TBXAS1: variants seen among roughly 807,000 people sequenced by gnomAD.
TBXAS1 encodes thromboxane A synthase 1.
TBXAS1 carries 48 observed loss-of-function variants against 60.7 expected under a neutral mutation model. The ratio of observed to expected loss-of-function variants is 0.79; its 90% CI spans 0.63 to 1.01. The LOEUF is 1.01. TBXAS1 is among the 50% of genes least tolerant of loss of function. TBXAS1 has a pLI of 0.00. For missense variants in TBXAS1, 685 were observed against 686.3 expected, an observed-to-expected ratio of 1.00 and a Z score of 0.02; for synonymous variants, 287 against 269.7, an observed-to-expected ratio of 1.06 and a Z score of -0.63.
At chr7:139,890,348 T>C (rs1411761860) in intron 3 of TBXAS1, among the ~76,000 whole-genome samples, 1 of 151,294 alleles carries the variant, frequency 6.6e-6, no homozygotes, top group Non-Finnish European at 1.5e-5. Context: ...CCCGAGTAGC[T>C]GGGACTACAG....
chr7:139,936,372 T>A, intron 5 of TBXAS1, 65 bp downstream of exon 5: 2 of 1,497,610 alleles, frequency 1.3e-6, no homozygotes, highest in Non-Finnish European at 1.9e-6. Flanking sequence ...CAAATCGTGA[T>A]GAGAGCCAGT....
At chr7:139,795,553 C>T (rs1797541438) in intron 4 of TBXAS1, among the ~76,000 whole-genome samples, 1 of 133,500 alleles carries the variant, frequency 7.5e-6, no homozygotes, top group Non-Finnish European at 1.6e-5. Context: ...TCTTTTGTTG[C>T]CATTGCTTTT....
chr7:139,882,445 G>A (rs1802767862), intron 3 of TBXAS1, among the ~76,000 whole-genome samples: 1 of 152,180 alleles, frequency 6.6e-6, no homozygotes, highest in African/African-American at 2.4e-5. Flanking sequence ...CATAGATGTT[G>A]AAGAAAGGTG....
intron 4 of TBXAS1, among the ~76,000 whole-genome samples, chr7:139,912,202 C>T (rs190845291): frequency 1.0e-3 from 156 of 152,076 alleles, no homozygotes; most frequent in Non-Finnish European, 8.5e-4. Context: ...GAGCTGAGAT[C>T]GCGCCACTGC....
upstream of TBXAS1, among the ~76,000 whole-genome samples, chr7:139,824,483 T>C (rs1034656881): frequency 2.6e-5 from 4 of 152,162 alleles, no homozygotes; most frequent in African/African-American, 4.8e-5. Flanking sequence ...TTGAGAAAAC[T>C]TGGAAACAAC....
chr7:139,816,607 T>C (rs370296848), intron 4 of TBXAS1, among the ~76,000 whole-genome samples: 2 of 152,150 alleles, frequency 1.3e-5, no homozygotes, highest in African/African-American at 4.8e-5. Flanking sequence ...CAGCATCACC[T>C]GGGAAATTGG....
Position 140,020,103 on chromosome 7 carries a change from A to T in TBXAS1, c.*4A>T. On this transcript the variant is annotated 3_prime_UTR_variant, in exon 13 of 13. Transcript: ENST00000448866. ...TATCAAGATCGTATCCCGCTGACAC[A>T]GAAGGCTGCCGGGTGGGGGGAGGGC... 1 of 1,604,984 alleles carries T rather than the reference A, an allele frequency of 6.2e-7. No homozygotes were observed. Among genetic ancestry groups the T allele is most frequent in the Non-Finnish European group, 8.5e-7 (1 of 1,172,076 alleles).
chr7:139,865,396 C>T (rs1358236720), intron 1 of TBXAS1, among the ~76,000 whole-genome samples: 1 of 152,116 alleles, frequency 6.6e-6, no homozygotes, highest in East Asian at 1.9e-4. Flanking sequence ...TTAGCTAAGT[C>T]AATGAAAACT....
At chr7:139,947,754 G>A (rs1009703195) in intron 5 of TBXAS1, among the ~76,000 whole-genome samples, 3 of 152,104 alleles carry the variant, frequency 2.0e-5, no homozygotes, top group Admixed American at 6.5e-5. Context: ...TGTGAGAGGC[G>A]AGAGGAACAA....
intron 9 of TBXAS1, among the ~76,000 whole-genome samples, chr7:139,972,272 T>C (rs1203563378): frequency 6.6e-6 from 1 of 152,212 alleles, no homozygotes; most frequent in African/African-American, 2.4e-5. Context: ...GAGTCTTTCA[T>C]ATTCAATAGC....
chr7:139,904,562 TTCGACCCA>T (rs932703926), intron 3 of TBXAS1, among the ~76,000 whole-genome samples: 46 of 152,234 alleles, frequency 3.0e-4, no homozygotes, highest in African/African-American at 1.0e-3. Flanking sequence ...ACAATATTGA[TTCGACCCA>T]TCCATGAGCA....
intron 9 of TBXAS1, among the ~76,000 whole-genome samples, chr7:139,988,422 A>G (rs1417788628): frequency 6.6e-6 from 1 of 152,140 alleles, no homozygotes; most frequent in Non-Finnish European, 1.5e-5. Flanking sequence ...CCCCATGGAC[A>G]TTTGGGTTTG....
At chr7:139,816,614 T>C (rs1036089088) in intron 4 of TBXAS1, among the ~76,000 whole-genome samples, 3 of 152,088 alleles carry the variant, frequency 2.0e-5, no homozygotes, top group Non-Finnish European at 4.4e-5. Context: ...ACCTGGGAAA[T>C]TGGAAGAAAT....
chr7:139,989,421 C>A (rs1812732958), intron 9 of TBXAS1, among the ~76,000 whole-genome samples: 1 of 152,218 alleles, frequency 6.6e-6, no homozygotes, highest in African/African-American at 2.4e-5. Flanking sequence ...AGGAAAACAA[C>A]AAGGCTGAAA....
chr7:139,781,837 CAA>C (rs200999267), intron 2 of TBXAS1, among the ~76,000 whole-genome samples: 9 of 67,314 alleles, frequency 1.3e-4, no homozygotes, highest in Admixed American at 2.0e-4. Flanking sequence ...AATTCCATCT[CAA>C]AAAAAAAAAA....
intron 9 of TBXAS1, among the ~76,000 whole-genome samples, chr7:139,997,398 G>A (rs1382403239): frequency 6.6e-6 from 1 of 152,184 alleles, no homozygotes; most frequent in Middle Eastern, 3.2e-3. Context: ...GGAAAAAACA[G>A]AATCCTAAAT....
chr7:139,902,148 G>C (rs1442879059), intron 3 of TBXAS1, among the ~76,000 whole-genome samples: 1 of 151,616 alleles, frequency 6.6e-6, no homozygotes, highest in East Asian at 1.9e-4. Context: ...GTGTGTGTGT[G>C]TGTAGTTCTA....
chr7:139,966,338 T>G (rs535279474), intron 9 of TBXAS1, among the ~76,000 whole-genome samples: 2 of 152,216 alleles, frequency 1.3e-5, no homozygotes, highest in African/African-American at 4.8e-5. Flanking sequence ...CAGACTCTTC[T>G]GTGGACAGTG....
intron 7 of TBXAS1, among the ~76,000 whole-genome samples, chr7:139,957,205 T>C (rs79069542): frequency 0.1 from 15,504 of 152,272 alleles, 900 homozygotes; most frequent in Middle Eastern, 0.14. Flanking sequence ...AATTATCCAC[T>C]GGAAAGAAAA....
Sources: allele counts gnomAD v4.1 joint callset (sites outside exome capture counted in the v4.1 genomes callset), GRCh38; gene constraint gnomAD v4.1.1; transcripts MANE v1.5; gene names NCBI Gene and HGNC (gene_info 2026-07-23, HGNC 2026-07-21).